IL16: variants seen among roughly 807,000 people sequenced by gnomAD.
IL16 encodes interleukin 16.
Under a neutral mutation model 110.1 loss-of-function variants are expected in IL16, and 67 were observed. That is an observed-to-expected ratio of 0.61 (90% CI 0.50 to 0.75). IL16 has a LOEUF of 0.75. Ranked by LOEUF, IL16 falls within the 30% of genes least tolerant of loss-of-function variation. IL16 has a pLI of 0.00. For missense variants in IL16, 1,545 were observed against 1,655.0 expected, an observed-to-expected ratio of 0.93 and a Z score of 1.15; for synonymous variants, 689 against 662.9, an observed-to-expected ratio of 1.04 and a Z score of -0.61.
At chr15:81,249,691 G>A (rs1412609055) in intron 2 of IL16, among the ~76,000 whole-genome samples, 3 of 151,972 alleles carry the variant, frequency 2.0e-5, no homozygotes, top group Admixed American at 6.6e-5. Context: ...TCTTATTTGG[G>A]ATTTGTTGGG....
intron 2 of IL16, among the ~76,000 whole-genome samples, chr15:81,233,459 C>CTGTGTGTGTGTGTGTGTG (rs5814049): frequency 7.0e-6 from 1 of 143,370 alleles, no homozygotes; most frequent in Non-Finnish European, 1.5e-5. Flanking sequence ...TCTTCTCTTT[C>CTGTGTGTGTGTGTGTGTG]TGTGTGTGTG....
chr15:81,271,482 T>C (rs1274560408), intron 5 of IL16, among the ~76,000 whole-genome samples: 1 of 151,828 alleles, frequency 6.6e-6, no homozygotes, highest in African/African-American at 2.4e-5. Flanking sequence ...CTAATGAATA[T>C]CTCTGTGTGT....
intron 1 of IL16, among the ~76,000 whole-genome samples, chr15:81,189,928 C>A (rs191153233): frequency 6.6e-6 from 1 of 152,208 alleles, no homozygotes; most frequent in Non-Finnish European, 1.5e-5. Context: ...CAGGAAGCGG[C>A]GTTCCTCAGA....
chr15:81,269,386 C>G, intron 4 of IL16, 152 bp from the exon 5 acceptor site: 1 of 642,822 alleles, frequency 1.6e-6, no homozygotes, highest in Non-Finnish European at 2.8e-6. Context: ...CTACCCACAC[C>G]CCACTAACCA....
rs779777950 is a variant in IL16, at chr15:81,225,280, C to T, written c.-101-19C>T. 9 of 1,492,990 alleles carry T rather than the reference C, an allele frequency of 6.0e-6. 1 individual carries two copies. The highest frequency in any genetic ancestry group is 2.1e-4 in the Middle Eastern group (1 of 4,852). The allele number at this position is 1,492,990 out of a possible 1,614,324, so 92.5% of individuals were successfully genotyped here. A position where few individuals can be genotyped will look rare whatever the true frequency, so the allele number is the denominator to read the frequency against. On this transcript the variant is annotated intron_variant, in intron 1 of 18. Coordinates refer to ENST00000683961, the MANE Select transcript of IL16 (RefSeq NM_172217.5). Reference sequence around the variant, plus strand: ...AGCAGCAAGTCACATTGCTTCTTCCCATTTCCTCTTTCCTCTAGGGACTCA... The same window carrying T: ...AGCAGCAAGTCACATTGCTTCTTCCTATTTCCTCTTTCCTCTAGGGACTCA...
chr15:81,266,525 T>G (rs529727301), intron 4 of IL16, among the ~76,000 whole-genome samples: 11 of 152,308 alleles, frequency 7.2e-5, no homozygotes, highest in African/African-American at 2.2e-4. Context: ...CAGTGTACCC[T>G]ACACACGTCC....
In IL16 at chr15:81,205,305, CAAA is replaced by C. The variant is rs57956143; in HGVS notation, c.-102+8167_-102+8169del. Among the ~76,000 whole-genome samples the C allele has an allele frequency of 2.3e-4, 31 of 132,550 alleles. 1 individual carries two copies. Among genetic ancestry groups the C allele is most frequent in the South Asian group, 1.2e-3 (5 of 4,252 alleles). 87.0% of individuals were successfully genotyped at this position (132,550 alleles called of 152,430 possible). A position where few individuals can be genotyped will look rare whatever the true frequency, so the allele number is the denominator to read the frequency against. ...TAGATGACAGAGCAAGACTCCATCTCAAAAAAAAAAAAAAAATCTTGAGAGATG... is the reference window on the plus strand; with the variant it reads ...TAGATGACAGAGCAAGACTCCATCTCAAAAAAAAAAAAATCTTGAGAGATG... On this transcript the variant is annotated intron_variant, in intron 1 of 18. Coordinates refer to ENST00000683961, the MANE Select transcript of IL16 (RefSeq NM_172217.5).
rs183573853 is a variant in IL16 at position 81,293,474 on chromosome 15, G to A, written c.1902+437G>A. Among the ~76,000 whole-genome samples the A allele has an allele frequency of 4.6e-3, 696 of 152,242 alleles. 3 individuals are homozygous for A. The highest frequency in any genetic ancestry group is 0.016 in the African/African-American group (665 of 41,552). ...TCCCAGCACTTTGGGAGGCTGAGCC[G>A]GGTGGATCATGAGCTCAGGAGTTCA... On this transcript the variant is annotated intron_variant, in intron 12 of 18. Coordinates refer to ENST00000683961, the MANE Select transcript of IL16 (RefSeq NM_172217.5).
intron 2 of IL16, among the ~76,000 whole-genome samples, chr15:81,237,341 A>G (rs143171524): frequency 1.3e-4 from 20 of 152,328 alleles, no homozygotes; most frequent in African/African-American, 4.8e-4. Flanking sequence ...GGAGGAATTT[A>G]CTGTAACAAT....
chr15:81,288,691 C>T (rs759178271), intron 10 of IL16, among the ~76,000 whole-genome samples: 1 of 152,174 alleles, frequency 6.6e-6, no homozygotes, highest in Non-Finnish European at 1.5e-5. Flanking sequence ...CTACGTTCAT[C>T]GAAGTGGAAT....
chr15:81,286,977 C>A (rs550512684), intron 10 of IL16, among the ~76,000 whole-genome samples: 3 of 152,306 alleles, frequency 2.0e-5, no homozygotes, highest in Non-Finnish European at 4.4e-5. Context: ...TCTTGTGAGA[C>A]TTATTCACTA....
At chr15:81,196,165 CTG>C (rs1566988878), upstream of IL16, among the ~76,000 whole-genome samples, 1 of 152,174 alleles carries the variant, frequency 6.6e-6, no homozygotes, top group Non-Finnish European at 1.5e-5. Flanking sequence ...GAGAGCCAGT[CTG>C]TTGTTTTTGG....
Position 81,285,658 on chromosome 15 carries a change from T to G in IL16, c.1200-40T>G, listed in dbSNP as rs905198803. On this transcript the variant is annotated intron_variant, in intron 9 of 18. Transcript: ENST00000683961. ...GGCAGTGACTGTTCAAATGTCTCAT[T>G]GATTCACTTACTGATGGCTTCTTAT... 2.5e-6 allele frequency: 4 copies of G among 1,609,890 alleles called. No individual in the cohort carries two copies. The Admixed American group carries it at 6.7e-5, about 27-fold the overall frequency.
At chr15:81,246,571 G>A (rs1302280655) in intron 2 of IL16, among the ~76,000 whole-genome samples, 1 of 152,172 alleles carries the variant, frequency 6.6e-6, no homozygotes, top group Non-Finnish European at 1.5e-5. Flanking sequence ...ATTCATGAGT[G>A]TGATGGCCTT....
chr15:81,224,794 G>T (rs1896732741), intron 1 of IL16, among the ~76,000 whole-genome samples: 1 of 152,176 alleles, frequency 6.6e-6, no homozygotes, highest in Non-Finnish European at 1.5e-5. Context: ...TTTCTTTGGA[G>T]ATGCCATGGG....
At chr15:81,232,374 G>A (rs532685102) in intron 2 of IL16, among the ~76,000 whole-genome samples, 9 of 152,012 alleles carry the variant, frequency 5.9e-5, no homozygotes, top group Admixed American at 4.6e-4. Context: ...GTGCAATGTC[G>A]AATAGAAGTG....
At chr15:81,270,171 A>C (rs983418546) in intron 5 of IL16, among the ~76,000 whole-genome samples, 3 of 152,326 alleles carry the variant, frequency 2.0e-5, no homozygotes, top group Admixed American at 1.3e-4. Context: ...CAAGATGATG[A>C]AACATCATAC....
intron 3 of IL16, among the ~76,000 whole-genome samples, chr15:81,265,167 G>C (rs77874393): frequency 6.6e-6 from 1 of 152,290 alleles, no homozygotes; most frequent in Non-Finnish European, 1.5e-5. Flanking sequence ...AGTTGTCTCC[G>C]TGTGTGTGTA....
chr15:81,291,323 T>C (rs1308249520), intron 11 of IL16, among the ~76,000 whole-genome samples: 1 of 152,154 alleles, frequency 6.6e-6, no homozygotes, highest in East Asian at 1.9e-4. Flanking sequence ...ACAGAGAAAC[T>C]CACCAAAATT....
Sources: gnomAD v4.1 joint callset for allele counts (sites outside exome capture counted in the v4.1 genomes callset) on GRCh38, gnomAD v4.1.1 for gene constraint, MANE v1.5 for transcripts, NCBI Gene and HGNC (gene_info 2026-07-23, HGNC 2026-07-21) for gene names.